MSANTD2: variants seen among roughly 807,000 people sequenced by gnomAD.
MSANTD2 encodes Myb/SANT DNA binding domain containing 2, also known as myb/SANT-like DNA-binding domain-containing protein 2.
In MSANTD2, 19 loss-of-function variants were observed where a neutral mutation model predicts 52.6. The ratio of observed to expected loss-of-function variants is 0.36; its 90% CI spans 0.25 to 0.53. The LOEUF is 0.53. Among genes scored for constraint, MSANTD2 ranks in the 20% least tolerant of loss-of-function variants. The probability of loss-of-function intolerance (pLI) is 0.91; values close to 1 mark genes in which losing one functional copy is unlikely to be tolerated. For synonymous variants in MSANTD2, 291 were observed against 289.7 expected, an observed-to-expected ratio of 1.00 and a Z score of -0.04; for missense variants, 558 against 716.3, an observed-to-expected ratio of 0.78 and a Z score of 2.52.
chr11:124,783,805 G>A, intron 1 of MSANTD2: 8 of 985,270 alleles, frequency 8.1e-6, no homozygotes, highest in Non-Finnish European at 9.6e-6. Context: ...AATACTAATT[G>A]TTAAAAACAA....
rs546245349 is a variant in MSANTD2, at chr11:124,767,038, G to A, written c.*138C>T. The A allele has an allele frequency of 1.2e-6, 1 of 856,162 alleles. No individual in the cohort carries two copies. Among genetic ancestry groups the A allele is most frequent in the Admixed American group, 2.5e-5 (1 of 39,342 alleles). The allele number at this position is 856,162 out of a possible 1,614,324, so 53.0% of individuals were successfully genotyped here. A position where few individuals can be genotyped will look rare whatever the true frequency, so the allele number is the denominator to read the frequency against. On this transcript the variant is annotated 3_prime_UTR_variant, in exon 4 of 4. Transcript: ENST00000374979. The surrounding 1 kb of genome is among the most constrained non-coding windows in gnomAD (Gnocchi z 6.5). ...GGCCCAAGTCTACTATGATTCCTTA[G>A]AAGTCGTACTGGCCCAATTGAAGAA...
Position 124,767,612 on chromosome 11 carries a change from C to A in MSANTD2, c.1244G>T (p.Gly415Val). The A allele has an allele frequency of 6.2e-7, 1 of 1,614,180 alleles. No individual in the cohort carries two copies. ...ATAAAGGCCTGGGCTTTTAGGAATA[C>A]CCCCAGGCAATAAATATTGAACAAC... ...GNVVQYLLPG[G>V]IPKSPGLYAI... The change falls in exon 4 of 4, where the codon GGT becomes GTT. Residue 415 changes from glycine to valine, a missense_variant. Coordinates refer to ENST00000374979, the MANE Select transcript of MSANTD2 (RefSeq NM_001308027.2). This position sits in a 1 kb window ranked among gnomAD's most constrained non-coding sequence, Gnocchi z 6.5.
chr11:124,769,314 C>T (rs954895997), intron 3 of MSANTD2, among the ~76,000 whole-genome samples: 2 of 152,128 alleles, frequency 1.3e-5, no homozygotes, highest in African/African-American at 4.8e-5. Flanking sequence ...CCTGAATTTA[C>T]CCTCTATCCT....
At chr11:124,795,517 G>C (rs1945466780) in intron 1 of MSANTD2, among the ~76,000 whole-genome samples, 1 of 152,128 alleles carries the variant, frequency 6.6e-6, no homozygotes, top group South Asian at 2.1e-4. Flanking sequence ...CTCCTTTGAA[G>C]TCATCACACT....
chr11:124,795,845 A>C (rs145236876), intron 1 of MSANTD2, among the ~76,000 whole-genome samples: 82 of 152,298 alleles, frequency 5.4e-4, no homozygotes, highest in Non-Finnish European at 9.4e-4. Flanking sequence ...AACTACCTAG[A>C]TTTGTGTATC....
At chr11:124,785,401 C>T (rs1945125975) in intron 1 of MSANTD2, among the ~76,000 whole-genome samples, 1 of 152,206 alleles carries the variant, frequency 6.6e-6, no homozygotes, top group Non-Finnish European at 1.5e-5. Flanking sequence ...TCTTGGGAAC[C>T]ACACATGTGA....
intron 1 of MSANTD2, chr11:124,784,765 T>C: frequency 1.4e-6 from 1 of 726,532 alleles, no homozygotes; most frequent in Non-Finnish European, 1.7e-6. Context: ...CATTTGGTTA[T>C]GAGAAAAAGA....
chr11:124,770,780 GTTT>G (rs1054956993), intron 3 of MSANTD2, among the ~76,000 whole-genome samples: 112 of 132,178 alleles, frequency 8.5e-4, no homozygotes, highest in African/African-American at 2.9e-3. Context: ...TAATTTTTTG[GTTT>G]TTTTTTTTTT....
intron 3 of MSANTD2, among the ~76,000 whole-genome samples, chr11:124,771,358 C>T (rs929477861): frequency 1.3e-5 from 2 of 152,228 alleles, no homozygotes; most frequent in Admixed American, 1.3e-4. Flanking sequence ...TGAACTCTCA[C>T]CCTCTTTCCA....
At chr11:124,796,274 G>T (rs1481409366) in intron 1 of MSANTD2, among the ~76,000 whole-genome samples, 1 of 152,178 alleles carries the variant, frequency 6.6e-6, no homozygotes, top group Non-Finnish European at 1.5e-5. Context: ...GTCAGAAAAG[G>T]GTGCAATAAG....
rs1412996279 is a variant in MSANTD2 at position 124,800,027 on chromosome 11, G to C, written c.354C>G (p.Asn118Lys). 27 of 1,582,976 alleles carry C rather than the reference G, an allele frequency of 1.7e-5. No individual in the cohort carries two copies. The highest frequency in any genetic ancestry group is 2.2e-5 in the Non-Finnish European group (26 of 1,173,820). The change falls in exon 1 of 4, where the codon AAC becomes AAG. Residue 118 changes from asparagine (N) to lysine (K), a missense_variant. Physicochemically the swap from Asn to Lys is moderately conservative, Grantham distance 94. Around this residue, in one of 2 missense-constraint regions of MSANTD2, gnomAD observed 408 missense variants for 573.6 expected, o/e 0.71. Transcript: ENST00000374979. This position sits in a 1 kb window ranked among gnomAD's most constrained non-coding sequence, Gnocchi z 4.3. ...ETNALIAVWG[N>K]ERLVEARYQQ... is the part of the protein sequence containing the mutation. ...GGTACCGCGCCTCCACCAGCCGCTC[G>C]TTGCCCCACACTGCGATGAGCGCGT...
chr11:124,796,939 T>A (rs551799265), intron 1 of MSANTD2, among the ~76,000 whole-genome samples: 1 of 152,246 alleles, frequency 6.6e-6, no homozygotes, highest in South Asian at 2.1e-4. Flanking sequence ...GATTTTAAGA[T>A]AGCAGTTTTA....
At chr11:124,798,234 TAAAAAAAAAAA>T (rs10601418) in intron 1 of MSANTD2, among the ~76,000 whole-genome samples, 13,410 of 110,574 alleles carry the variant, frequency 0.12, 841 homozygotes, top group South Asian at 0.22. Context: ...CCCTGTCTCT[TAAAAAAAAAAA>T]AAAAAAAAAA....
chr11:124,787,238 G>A (rs1010738736), intron 1 of MSANTD2, among the ~76,000 whole-genome samples: 1 of 152,132 alleles, frequency 6.6e-6, no homozygotes, highest in Non-Finnish European at 1.5e-5. Flanking sequence ...ATCACGAGGC[G>A]CAACACGGGT....
Position 124,773,068 on chromosome 11 carries a change from A to G in MSANTD2, c.767-14T>C, listed in dbSNP as rs1944597856. 2 of 1,534,582 alleles carry G rather than the reference A, an allele frequency of 1.3e-6. No individual in the cohort carries two copies. The highest frequency in any genetic ancestry group is 2.2e-5 in the South Asian group (2 of 88,958). ...CAGGTATTTCATCTGAAAAGCAAAG[A>G]TTTTGAAAAAAGTTATACTTTCCTA... On this transcript the variant is annotated splice_polypyrimidine_tract_variant and intron_variant, in intron 2 of 3. Coordinates refer to ENST00000374979, the MANE Select transcript of MSANTD2 (RefSeq NM_001308027.2).
In MSANTD2 at chr11:124,767,259, C is replaced by A; in HGVS notation, c.1597G>T (p.Val533Leu). ...PKSIYIKFVEVERDFLSAGSL... is the reference protein window; with the variant it reads ...PKSIYIKFVELERDFLSAGSL... ...CCTGCGGAAAGAAAATCCCTCTCTACTTCTACAAATTTGATGTAGATGGAT... is the reference window on the plus strand; with the variant it reads ...CCTGCGGAAAGAAAATCCCTCTCTAATTCTACAAATTTGATGTAGATGGAT... The change falls in exon 4 of 4, where the codon GTA becomes TTA. Residue 533 changes from valine to leucine, a missense_variant. By Grantham distance (32) the Val-to-Leu change is conservative (BLOSUM62 1). Coordinates refer to ENST00000374979, the MANE Select transcript of MSANTD2 (RefSeq NM_001308027.2). This position sits in a 1 kb window ranked among gnomAD's most constrained non-coding sequence, Gnocchi z 6.5. 6.2e-7 allele frequency: 1 copy of A among 1,614,186 alleles called. No homozygotes were observed.
At position 124,800,100 on chromosome 11, in the gene MSANTD2, G is replaced by A; in HGVS notation, c.281C>T (p.Ala94Val). Residue 94 changes from alanine to valine, a missense_variant, in exon 1 of 4, where the codon GCC (alanine) becomes GTC (valine). Coordinates refer to ENST00000374979, the MANE Select transcript of MSANTD2 (RefSeq NM_001308027.2). This position sits in a 1 kb window ranked among gnomAD's most constrained non-coding sequence, Gnocchi z 4.3. ...PGGGGGGAAA[A>V]AAAACRGMSW... is the part of the protein sequence containing the mutation. ...CATGCCCCGGCAGGCGGCGGCGGCG[G>A]CTGCCGCAGCCCCGCCACCGCCGCC... The A allele has an allele frequency of 1.3e-6, 2 of 1,482,178 alleles. No homozygotes were observed. Among genetic ancestry groups the A allele is most frequent in the African/African-American group, 1.5e-5 (1 of 67,556 alleles). The allele number at this position is 1,482,178 out of a possible 1,614,324, so 91.8% of individuals were successfully genotyped here.
At chr11:124,797,829 A>G (rs538763099) in intron 1 of MSANTD2, among the ~76,000 whole-genome samples, 1 of 152,314 alleles carries the variant, frequency 6.6e-6, no homozygotes, top group African/African-American at 2.4e-5. Context: ...TCCTCTTCTA[A>G]AAATTATTCA....
In MSANTD2 at chr11:124,784,486, C is replaced by T. The variant is rs867108265; in HGVS notation, c.511-9512G>A. ...ACAACCATGTCTAAAAATTAAACCCCCCCCCCGCCACCTCAAAAATCCGCA... is the reference window on the plus strand; with the variant it reads ...ACAACCATGTCTAAAAATTAAACCCTCCCCCCGCCACCTCAAAAATCCGCA... On this transcript the variant is annotated intron_variant, in intron 1 of 3. Coordinates refer to ENST00000374979, the MANE Select transcript of MSANTD2 (RefSeq NM_001308027.2). The T allele has an allele frequency of 9.0e-4, 887 of 983,976 alleles. 10 individuals carry two copies. The African/African-American group carries it at 0.014, about 16-fold the overall frequency. The allele number at this position is 983,976 out of a possible 1,614,324, so 61.0% of individuals were successfully genotyped here. A position where few individuals can be genotyped will look rare whatever the true frequency, so the allele number is the denominator to read the frequency against.
Sources: gnomAD v4.1 joint callset for allele counts (sites outside exome capture counted in the v4.1 genomes callset) on GRCh38, gnomAD v4.1.1 for gene constraint, gnomAD v4.1.1 regional missense constraint, Gnocchi (gnomAD v3.1) non-coding constraint, MANE v1.5 for transcripts, NCBI Gene and HGNC (gene_info 2026-07-23, HGNC 2026-07-21) for gene names.